Variants in MAD1L1 observed in about 807,000 individuals in gnomAD.
MAD1L1 encodes the protein mitotic arrest deficient 1 like 1, also known as mitotic spindle assembly checkpoint protein MAD1.
MAD1L1 carries 95 observed loss-of-function variants against 96.9 expected under a neutral mutation model. The ratio of observed to expected loss-of-function variants is 0.98; its 90% CI spans 0.83 to 1.16. The LOEUF (loss-of-function observed/expected upper bound fraction) is 1.16, where lower values mean the gene tolerates loss of function less well. Ranked by LOEUF, MAD1L1 falls within the 50% of genes most tolerant of loss-of-function variation. The probability of loss-of-function intolerance (pLI) is 0.00; values close to 1 mark genes in which losing one functional copy is unlikely to be tolerated. For synonymous variants in MAD1L1, 473 were observed against 396.6 expected (o/e 1.19, Z -2.29); for missense variants, 1,007 against 954.4 (o/e 1.06, Z -0.73).
intron 13 of MAD1L1, among the ~76,000 whole-genome samples, chr7:2,009,518 G>A (rs1040321708): frequency 2.6e-5 from 4 of 152,188 alleles, no homozygotes; most frequent in Non-Finnish European, 4.4e-5. Context: ...AGCAGGAGGC[G>A]GCACACCACA....
chr7:1,883,889 G>A (rs1785842390), intron 18 of MAD1L1, among the ~76,000 whole-genome samples: 1 of 152,234 alleles, frequency 6.6e-6, no homozygotes, highest in Non-Finnish European at 1.5e-5. Context: ...CTGACCTGCA[G>A]ACCCTGACAC....
intron 10 of MAD1L1, among the ~76,000 whole-genome samples, chr7:2,209,615 A>T (rs1191269436): frequency 6.6e-6 from 1 of 152,204 alleles, no homozygotes; most frequent in Non-Finnish European, 1.5e-5. Flanking sequence ...GAGAGACCCA[A>T]GGGAAGCTGC....
In MAD1L1 at chr7:2,137,931, T is replaced by C. The variant is rs184658638; in HGVS notation, c.1073+11221A>G. Among the ~76,000 whole-genome samples the C allele has an allele frequency of 2.8e-3, 426 of 152,238 alleles. 5 individuals carry two copies. Among genetic ancestry groups the C allele is most frequent in the African/African-American group, 9.8e-3 (405 of 41,526 alleles). ...TCACAGAGCGTTTCTGTGCCGACGG[T>C]GCCATGTCGGATAACTATGCGAGGG... On this transcript the variant is annotated intron_variant, in intron 11 of 18. Transcript: ENST00000265854.
chr7:2,160,907 T>G (rs1790076710), intron 10 of MAD1L1, among the ~76,000 whole-genome samples: 1 of 152,140 alleles, frequency 6.6e-6, no homozygotes, highest in African/African-American at 2.4e-5. Context: ...ACATAAAAAT[T>G]TTATAAAAAG....
At chr7:2,074,985 G>A (rs1395829597) in intron 11 of MAD1L1, among the ~76,000 whole-genome samples, 1 of 152,218 alleles carries the variant, frequency 6.6e-6, no homozygotes, top group Non-Finnish European at 1.5e-5. Flanking sequence ...GGAGCAATGG[G>A]CAAGGTCACA....
At chr7:2,118,414 A>G (rs1190819014) in intron 11 of MAD1L1, among the ~76,000 whole-genome samples, 1 of 152,250 alleles carries the variant, frequency 6.6e-6, no homozygotes, top group African/African-American at 2.4e-5. Flanking sequence ...TCCCAGAAGC[A>G]GGAGGTCAGC....
intron 18 of MAD1L1, among the ~76,000 whole-genome samples, chr7:1,881,629 C>T (rs890631269): frequency 1.3e-5 from 2 of 152,218 alleles, no homozygotes; most frequent in Non-Finnish European, 2.9e-5. Context: ...AACCATTAAA[C>T]ACCATCATCG....
chr7:1,974,026 G>A lies in MAD1L1; in HGVS notation c.1505+6427C>T, dbSNP rs149514795. 2.1e-3 allele frequency among the ~76,000 whole-genome samples: 324 copies of A among 152,340 alleles called. 2 individuals carry two copies. Among genetic ancestry groups the A allele is most frequent in the African/African-American group, 7.0e-3 (290 of 41,578 alleles). ...GCTGGCTTCTGCTTCTGGGAGTGAA[G>A]GGCAGGAGCCTGCATGTCACTCTGC... On this transcript the variant is annotated intron_variant, in intron 15 of 18. Transcript: ENST00000265854.
At chr7:1,982,491 G>T (rs1007324203) in intron 14 of MAD1L1, among the ~76,000 whole-genome samples, 1 of 152,250 alleles carries the variant, frequency 6.6e-6, no homozygotes, top group Non-Finnish European at 1.5e-5. Context: ...TTACAGGCGT[G>T]AGCCGCCGCG....
intron 18 of MAD1L1, among the ~76,000 whole-genome samples, chr7:1,860,317 G>A (rs866741009): frequency 9.4e-4 from 133 of 141,508 alleles, no homozygotes; most frequent in Admixed American, 2.7e-3. Flanking sequence ...GACATCTGGC[G>A]GGGCGGCCTC....
chr7:2,001,417 A>C (rs1781785767), intron 14 of MAD1L1, among the ~76,000 whole-genome samples: 1 of 152,280 alleles, frequency 6.6e-6, no homozygotes, highest in African/African-American at 2.4e-5. Flanking sequence ...TCCCTAAAAC[A>C]GTGGGAAGCT....
intron 10 of MAD1L1, among the ~76,000 whole-genome samples, chr7:2,212,129 C>A (rs1053676034): frequency 5.9e-5 from 9 of 152,202 alleles, no homozygotes; most frequent in Admixed American, 5.2e-4. Flanking sequence ...AGGGCAGGGG[C>A]CAACTGAGCG....
rs140123632 is a variant in MAD1L1 at position 2,036,794 on chromosome 7, G to C, written c.1219-22152C>G. Reference sequence around the variant, plus strand: ...CTGGCAGTACAGGGAGCCCAAGCAGGTGTCGGAAATGACACTGGGTACCTA... The same window carrying C: ...CTGGCAGTACAGGGAGCCCAAGCAGCTGTCGGAAATGACACTGGGTACCTA... On this transcript the variant is annotated intron_variant, in intron 12 of 18. Coordinates refer to ENST00000265854, the MANE Select transcript of MAD1L1 (RefSeq NM_001013836.2). Among the ~76,000 whole-genome samples the C allele has an allele frequency of 1.9e-3, 293 of 152,274 alleles. 1 individual carries two copies. Among genetic ancestry groups the C allele is most frequent in the African/African-American group, 6.9e-3 (287 of 41,552 alleles).
intron 18 of MAD1L1, among the ~76,000 whole-genome samples, chr7:1,868,345 G>A (rs55827829): frequency 0.029 from 4,356 of 152,258 alleles, 134 homozygotes; most frequent in Admixed American, 0.076. Flanking sequence ...TGGAGGCAGC[G>A]TGGACTTCCA....
intron 10 of MAD1L1, among the ~76,000 whole-genome samples, chr7:2,152,251 C>T (rs1339159408): frequency 1.3e-5 from 2 of 152,194 alleles, no homozygotes; most frequent in African/African-American, 4.8e-5. Context: ...GCTCTCAGTC[C>T]CCATGCGACC....
intron 13 of MAD1L1, among the ~76,000 whole-genome samples, chr7:2,004,024 C>T (rs1417866783): frequency 6.6e-6 from 1 of 152,156 alleles, no homozygotes; most frequent in Non-Finnish European, 1.5e-5. Context: ...CTCCCGGGGG[C>T]ACAGGGAGCC....
rs906416440 is a variant in MAD1L1 at position 1,932,775 on chromosome 7, C to A, written c.1807+3912G>T. On this transcript the variant is annotated intron_variant, in intron 17 of 18. Transcript: ENST00000265854. Reference sequence around the variant, plus strand: ...CCTTCAGGGAGACGTCCTTGAGGCACTTCTGTTATCATCTGCTTTTTCCCT... The same window carrying A: ...CCTTCAGGGAGACGTCCTTGAGGCAATTCTGTTATCATCTGCTTTTTCCCT... 3.3e-5 allele frequency among the ~76,000 whole-genome samples: 5 copies of A among 152,356 alleles called. 1 individual carries two copies. In the South Asian group the frequency reaches 8.3e-4, roughly 25 times the overall value.
rs3800928 is a variant in MAD1L1 at position 2,177,416 on chromosome 7, G to A, written c.987-28178C>T. Reference sequence around the variant, plus strand: ...CATTTGATATGCTTTGGTATATTCCGGGAATATTTTGTCTCAACATTGTAC... The same window carrying A: ...CATTTGATATGCTTTGGTATATTCCAGGAATATTTTGTCTCAACATTGTAC... On this transcript the variant is annotated intron_variant, in intron 10 of 18. Transcript: ENST00000265854. Among the ~76,000 whole-genome samples, 16 of 152,178 alleles carry A rather than the reference G, an allele frequency of 1.1e-4. No individual in the cohort carries two copies. The East Asian group carries it at 2.5e-3, about 24-fold the overall frequency.
intron 15 of MAD1L1, among the ~76,000 whole-genome samples, chr7:1,962,350 TC>T (rs1779989264): frequency 6.6e-6 from 1 of 152,248 alleles, no homozygotes; most frequent in Admixed American, 6.5e-5. Flanking sequence ...GTGAGTCCAT[TC>T]AATCTCTTTT....
Sources: allele counts gnomAD v4.1 joint callset (sites outside exome capture counted in the v4.1 genomes callset), GRCh38; gene constraint gnomAD v4.1.1; transcripts MANE v1.5; gene names NCBI Gene and HGNC (gene_info 2026-07-23, HGNC 2026-07-21).